Variants in SSBP2 observed in about 807,000 individuals in gnomAD.
The protein encoded by SSBP2 is single-stranded DNA-binding protein 2.
In SSBP2, 17 loss-of-function variants were observed where a neutral mutation model predicts 61.8. The observed-to-expected ratio is 0.28, with a 90% CI of 0.19 to 0.41. The LOEUF is 0.41. Ranked by LOEUF, SSBP2 falls within the 10% of genes least tolerant of loss-of-function variation. The pLI is 1.00. For synonymous variants in SSBP2, 139 were observed against 141.3 expected, an observed-to-expected ratio of 0.98 and a Z score of 0.12; for missense variants, 310 against 458.7, an observed-to-expected ratio of 0.68 and a Z score of 2.96.
In SSBP2 at chr5:81,416,321, G is replaced by A. The variant is rs181380247; in HGVS notation, c.*4183C>T. ...TGGCTATGATTTGTGGCACTCCTTC[G>A]AATTAGCAGTGATAATCAAGAAATG... On this transcript the variant is annotated 3_prime_UTR_variant, in exon 17 of 17. Transcript: ENST00000320672. 2.0e-5 allele frequency: 3 copies of A among 152,192 alleles called. No individual in the cohort carries two copies. Among genetic ancestry groups the A allele is most frequent in the South Asian group, 2.1e-4 (1 of 4,820 alleles). 9.4% of individuals were successfully genotyped at this position (152,192 alleles called of 1,614,324 possible). A position where few individuals can be genotyped will look rare whatever the true frequency, so the allele number is the denominator to read the frequency against.
At chr5:81,690,372 A>G (rs1263138588) in intron 1 of SSBP2, among the ~76,000 whole-genome samples, 1 of 152,154 alleles carries the variant, frequency 6.6e-6, no homozygotes, top group East Asian at 1.9e-4. Flanking sequence ...ACTTCACTAA[A>G]AAGACACAAA....
chr5:81,643,595 C>CTTTTTT (rs368511957), intron 2 of SSBP2, among the ~76,000 whole-genome samples: 63 of 60,246 alleles, frequency 1.0e-3, no homozygotes, highest in Admixed American at 1.6e-3. Context: ...TTTTTCCTTT[C>CTTTTTT]TTTTTTTTTT....
At chr5:81,574,673 A>C (rs1372958545) in intron 4 of SSBP2, among the ~76,000 whole-genome samples, 4 of 152,092 alleles carry the variant, frequency 2.6e-5, no homozygotes, top group Non-Finnish European at 4.4e-5. Context: ...AGGGAAAAAA[A>C]CCCCACAATC....
intron 8 of SSBP2, among the ~76,000 whole-genome samples, chr5:81,467,695 G>C (rs1764985017): frequency 6.6e-6 from 1 of 151,914 alleles, no homozygotes; most frequent in Non-Finnish European, 1.5e-5. Context: ...GATTAGTTTA[G>C]TTGCCATAGG....
At chr5:81,720,229 A>G (rs972508880) in intron 1 of SSBP2, among the ~76,000 whole-genome samples, 10 of 152,204 alleles carry the variant, frequency 6.6e-5, no homozygotes, top group African/African-American at 2.4e-4. Context: ...CCCTAAATTA[A>G]AAGCCTTCTT....
intron 4 of SSBP2, among the ~76,000 whole-genome samples, chr5:81,519,655 C>T (rs187115533): frequency 1.2e-3 from 184 of 152,182 alleles, no homozygotes; most frequent in Non-Finnish European, 3.7e-4. Flanking sequence ...GATTTAATTT[C>T]TGCCATGCAG....
chr5:81,690,348 C>G (rs926096588), intron 1 of SSBP2, among the ~76,000 whole-genome samples: 2 of 151,970 alleles, frequency 1.3e-5, no homozygotes, highest in African/African-American at 2.4e-5. Flanking sequence ...CGATCTGTTG[C>G]GTACAATAAA....
At chr5:81,462,591 A>G (rs1383459903) in intron 9 of SSBP2, among the ~76,000 whole-genome samples, 1 of 152,210 alleles carries the variant, frequency 6.6e-6, no homozygotes, top group Non-Finnish European at 1.5e-5. Context: ...CCTCTCCAAG[A>G]TGATGATGGA....
At chr5:81,436,185 CAAAAAAAAAAAA>C (rs34499225) in intron 15 of SSBP2, among the ~76,000 whole-genome samples, 2 of 54,572 alleles carry the variant, frequency 3.7e-5, no homozygotes, top group South Asian at 1.0e-3. Context: ...AAGACTCCAT[CAAAAAAAAAAAA>C]AAAAAAAAAA....
In SSBP2 at chr5:81,720,501, A is replaced by G. The variant is rs78747955; in HGVS notation, c.62+30480T>C. Among the ~76,000 whole-genome samples the G allele has an allele frequency of 6.5e-3, 994 of 152,320 alleles. 14 individuals are homozygous for G. The highest frequency in any genetic ancestry group is 0.023 in the African/African-American group (950 of 41,586). ...AGGTGCTAAAACAGCATATAGGCTA[A>G]GCTTTTCAAGTTATACTATTAGCTT... On this transcript the variant is annotated intron_variant, in intron 1 of 16. Transcript: ENST00000320672.
At chr5:81,611,044 A>C (rs1745390449) in intron 4 of SSBP2, among the ~76,000 whole-genome samples, 1 of 152,234 alleles carries the variant, frequency 6.6e-6, no homozygotes, top group Admixed American at 6.5e-5. Context: ...TCTTGTGAGC[A>C]CAAAATAGAG....
At chr5:81,677,680 T>G (rs941889739) in intron 1 of SSBP2, among the ~76,000 whole-genome samples, 1 of 152,132 alleles carries the variant, frequency 6.6e-6, no homozygotes, top group African/African-American at 2.4e-5. Context: ...GAATACACAG[T>G]GTATTCTGTT....
chr5:81,467,070 C>G lies in SSBP2; in HGVS notation c.571-29G>C. On this transcript the variant is annotated intron_variant, in intron 8 of 16. Coordinates refer to ENST00000320672, the MANE Select transcript of SSBP2 (RefSeq NM_012446.5). ...TAATGATAACCAAGGGTCAGACTAC[C>G]ACAAAACAAAAAAACAAAACCAAAG... 6.3e-7 allele frequency: 1 copy of G among 1,591,272 alleles called. No individual in the cohort carries two copies. The highest frequency in any genetic ancestry group is 8.6e-7 in the Non-Finnish European group (1 of 1,167,648).
intron 4 of SSBP2, among the ~76,000 whole-genome samples, chr5:81,567,713 C>G (rs1773534217): frequency 6.6e-6 from 1 of 152,192 alleles, no homozygotes; most frequent in East Asian, 1.9e-4. Flanking sequence ...GCAGACTGTA[C>G]CCTGCAAAAC....
chr5:81,588,227 G>A (rs577423005), intron 4 of SSBP2, among the ~76,000 whole-genome samples: 1 of 152,090 alleles, frequency 6.6e-6, no homozygotes, highest in Non-Finnish European at 1.5e-5. Context: ...ACAGGCATGA[G>A]CCACCATGCC....
chr5:81,715,512 G>C (rs1243407456), intron 1 of SSBP2, among the ~76,000 whole-genome samples: 2 of 152,168 alleles, frequency 1.3e-5, no homozygotes, highest in Admixed American at 1.3e-4. Flanking sequence ...TTTACAAACA[G>C]AATAGAGTTT....
intron 1 of SSBP2, among the ~76,000 whole-genome samples, chr5:81,743,946 T>C (rs944077466): frequency 3.9e-5 from 6 of 152,346 alleles, no homozygotes; most frequent in Admixed American, 3.3e-4. Flanking sequence ...CTAGACATCC[T>C]GTTATGTGAG....
intron 5 of SSBP2, among the ~76,000 whole-genome samples, chr5:81,493,705 A>G (rs1767069543): frequency 6.6e-6 from 1 of 152,028 alleles, no homozygotes; most frequent in South Asian, 2.1e-4. Flanking sequence ...GCAGTGAGCC[A>G]AGACCATGCC....
intron 1 of SSBP2, among the ~76,000 whole-genome samples, chr5:81,745,013 C>T (rs1304746731): frequency 6.6e-5 from 10 of 152,068 alleles, no homozygotes. Flanking sequence ...ATAAGAAAAA[C>T]ATTAACAGTT....
Sources: allele counts gnomAD v4.1 joint callset (sites outside exome capture counted in the v4.1 genomes callset), GRCh38; gene constraint gnomAD v4.1.1; transcripts MANE v1.5; gene names NCBI Gene and HGNC (gene_info 2026-07-23, HGNC 2026-07-21).